Variants in CA8 observed in about 807,000 individuals in gnomAD.
CA8 encodes carbonic anhydrase-related protein.
CA8 carries 22 observed loss-of-function variants against 41.4 expected under a neutral mutation model. The ratio of observed to expected loss-of-function variants is 0.53; its 90% CI spans 0.38 to 0.76. CA8 has a LOEUF of 0.76. CA8 is among the 30% of genes least tolerant of loss of function. The pLI is 0.00. For missense variants in CA8, 270 were observed against 352.8 expected, an observed-to-expected ratio of 0.77 and a Z score of 1.88; for synonymous variants, 121 against 130.6, an observed-to-expected ratio of 0.93 and a Z score of 0.50.
chr8:60,247,303 T>C (rs1171854714), intron 3 of CA8, among the ~76,000 whole-genome samples: 2 of 151,288 alleles, frequency 1.3e-5, no homozygotes, highest in Non-Finnish European at 2.9e-5. Context: ...GATTGTTACA[T>C]AGGTATACAT....
intron 3 of CA8, among the ~76,000 whole-genome samples, chr8:60,259,200 T>C (rs1319710593): frequency 6.6e-6 from 1 of 152,190 alleles, no homozygotes; most frequent in Non-Finnish European, 1.5e-5. Flanking sequence ...TATATTCAAA[T>C]CAGAGGCTAT....
intron 3 of CA8, among the ~76,000 whole-genome samples, chr8:60,258,371 T>C (rs745984452): frequency 3.9e-5 from 6 of 152,210 alleles, no homozygotes; most frequent in African/African-American, 1.2e-4. Context: ...ACTATTAATA[T>C]ATATAGGTTT....
chr8:60,206,994 C>T (rs911223297), intron 8 of CA8, among the ~76,000 whole-genome samples: 12 of 152,162 alleles, frequency 7.9e-5, no homozygotes, highest in African/African-American at 2.9e-4. Flanking sequence ...GCTGCGGCCT[C>T]CTGCCCCACC....
Position 60,281,057 on chromosome 8 carries a change from A to AGCCCCACTCCACACCCTCCTCTTC in CA8, c.67_90dup (p.Glu23_Gly30dup). On this transcript the variant is annotated inframe_insertion, in exon 1 of 9. Coordinates refer to ENST00000317995, the MANE Select transcript of CA8 (RefSeq NM_004056.6). ...ACTCGCGGCCACTTACCTTCCTCGTAGCCCCACTCCACACCCTCCTCTTCT... is the reference window on the plus strand; with the variant it reads ...ACTCGCGGCCACTTACCTTCCTCGTAGCCCCACTCCACACCCTCCTCTTCGCCCCACTCCACACCCTCCTCTTCT... 6.2e-7 allele frequency: 1 copy of AGCCCCACTCCACACCCTCCTCTTC among 1,609,662 alleles called. No homozygotes were observed. The highest frequency in any genetic ancestry group is 8.5e-7 in the Non-Finnish European group (1 of 1,178,068).
chr8:60,251,523 T>G (rs1563370327), intron 3 of CA8, among the ~76,000 whole-genome samples: 1 of 152,216 alleles, frequency 6.6e-6, no homozygotes, highest in Admixed American at 6.5e-5. Flanking sequence ...GACACTGCCA[T>G]GTCATTTAAC....
intron 3 of CA8, among the ~76,000 whole-genome samples, chr8:60,235,250 G>A (rs2130504188): frequency 6.6e-6 from 1 of 152,180 alleles, no homozygotes; most frequent in Non-Finnish European, 1.5e-5. Context: ...GCTTATAGAT[G>A]GCCACCTTCT....
intron 8 of CA8, among the ~76,000 whole-genome samples, chr8:60,198,366 T>C (rs975065604): frequency 2.6e-5 from 4 of 152,116 alleles, no homozygotes; most frequent in Admixed American, 6.6e-5. Flanking sequence ...CTCACTAATA[T>C]GTGTAACTTA....
rs1293753202 is a variant in CA8 at position 60,228,180 on chromosome 8, G to A, written c.514-1245C>T. 7.9e-5 allele frequency among the ~76,000 whole-genome samples: 12 copies of A among 152,282 alleles called. No homozygotes were observed. In the South Asian group the frequency reaches 2.5e-3, roughly 32 times the overall value. On this transcript the variant is annotated intron_variant, in intron 4 of 8. Transcript: ENST00000317995. The stretch of plus-strand genomic sequence containing the variant: ...CGCTCTACCTAAGATAGGCCAGTCA[G>A]CTCTAAACAATCAAGACGTGAACTA...
At chr8:60,270,454 C>T (rs1803695040) in intron 2 of CA8, among the ~76,000 whole-genome samples, 1 of 152,194 alleles carries the variant, frequency 6.6e-6, no homozygotes, top group Admixed American at 6.5e-5. Flanking sequence ...CTTGCTCTGT[C>T]ATCCAGGCTG....
chr8:60,211,020 A>G (rs1183304049), intron 7 of CA8, among the ~76,000 whole-genome samples: 1 of 152,208 alleles, frequency 6.6e-6, no homozygotes, highest in African/African-American at 2.4e-5. Context: ...GAAGAATATC[A>G]CAGTGAGGGC....
intron 8 of CA8, among the ~76,000 whole-genome samples, chr8:60,205,055 C>G (rs1161998557): frequency 6.6e-6 from 1 of 152,152 alleles, no homozygotes; most frequent in African/African-American, 2.4e-5. Flanking sequence ...AAGAGTTCAA[C>G]AGTCAAGGAT....
chr8:60,227,488 A>G (rs954396389), intron 4 of CA8, among the ~76,000 whole-genome samples: 2 of 152,162 alleles, frequency 1.3e-5, no homozygotes, highest in African/African-American at 4.8e-5. Flanking sequence ...TGTGTATAGG[A>G]ATCACTCACT....
chr8:60,192,290 C>T (rs1431829845), intron 8 of CA8, among the ~76,000 whole-genome samples: 1 of 152,140 alleles, frequency 6.6e-6, no homozygotes, highest in Non-Finnish European at 1.5e-5. Context: ...ATCCAATTTG[C>T]TGTAAGATTT....
intron 3 of CA8, among the ~76,000 whole-genome samples, chr8:60,242,480 A>C (rs994513332): frequency 1.3e-5 from 2 of 152,212 alleles, no homozygotes; most frequent in African/African-American, 4.8e-5. Flanking sequence ...GAGGGTTGGA[A>C]AAGACAGAGC....
chr8:60,234,768 G>A (rs1384752653), intron 3 of CA8, among the ~76,000 whole-genome samples: 1 of 152,128 alleles, frequency 6.6e-6, no homozygotes, highest in Non-Finnish European at 1.5e-5. Context: ...CAGGGCAGAA[G>A]AGATTCTCCC....
chr8:60,274,278 G>C (rs144264772), intron 2 of CA8, among the ~76,000 whole-genome samples: 25 of 152,116 alleles, frequency 1.6e-4, no homozygotes, highest in Admixed American at 1.6e-3. Flanking sequence ...TAAATGAAGA[G>C]GGCACAACTT....
chr8:60,234,802 C>G lies in CA8; in HGVS notation c.418-2423G>C, dbSNP rs1807775685. ...CCTCCCCTCACAATAACAAGGGACC[C>G]AAGCTTTGAAAAACAAAGCTCTGTC... On this transcript the variant is annotated intron_variant, in intron 3 of 8. Coordinates refer to ENST00000317995, the MANE Select transcript of CA8 (RefSeq NM_004056.6). Among the ~76,000 whole-genome samples the G allele has an allele frequency of 2.0e-5, 3 of 152,168 alleles. No individual in the cohort carries two copies. In the South Asian group the frequency reaches 6.2e-4, roughly 32 times the overall value.
chr8:60,232,358 A>G lies in CA8; in HGVS notation c.439T>C (p.Ser147Pro). The G allele has an allele frequency of 6.2e-7, 1 of 1,613,892 alleles. No homozygotes were observed. Among genetic ancestry groups the G allele is most frequent in the South Asian group, 1.1e-5 (1 of 91,082 alleles). ...PMELHLIHWN[S>P]TLFGSIDEAV... ...TCATCAATGCTGCCAAACAGAGTGG[A>G]GTTCCAGTGGATCAGATGGAGCTGA... The change falls in exon 4 of 9, where the codon TCC (serine) becomes CCC (proline). Residue 147 changes from serine (S) to proline (P), a missense_variant. By Grantham distance (74) the Ser-to-Pro change is moderately conservative. Around this residue, in one of 3 missense-constraint regions of CA8, gnomAD observed 141 missense variants for 191.6 expected, o/e 0.74. Coordinates refer to ENST00000317995, the MANE Select transcript of CA8 (RefSeq NM_004056.6).
chr8:60,218,537 A>AT (rs1807109347), intron 7 of CA8, among the ~76,000 whole-genome samples: 1 of 151,662 alleles, frequency 6.6e-6, no homozygotes, highest in South Asian at 2.1e-4. Flanking sequence ...TATGAAAAGG[A>AT]TAAAAAAAAG....
Sources: allele counts gnomAD v4.1 joint callset (sites outside exome capture counted in the v4.1 genomes callset), GRCh38; gene constraint gnomAD v4.1.1; regional missense constraint gnomAD v4.1.1; transcripts MANE v1.5; gene names NCBI Gene and HGNC (gene_info 2026-07-23, HGNC 2026-07-21).